Variants in CAMTA1 observed in about 807,000 individuals in gnomAD.
The protein encoded by CAMTA1 is calmodulin binding transcription activator 1, also known as calmodulin-binding transcription activator 1.
Under a neutral mutation model 170.9 loss-of-function variants are expected in CAMTA1, and 27 were observed. That is an observed-to-expected ratio of 0.16 (90% CI 0.12 to 0.22). The LOEUF (loss-of-function observed/expected upper bound fraction) is 0.22. Among genes scored for constraint, CAMTA1 ranks in the 10% least tolerant of loss-of-function variants. The pLI is 1.00. For missense variants in CAMTA1, 1,619 were observed against 2,217.2 expected (o/e 0.73, Z 5.42); for synonymous variants, 833 against 891.5 (o/e 0.93, Z 1.17).
intron 6 of CAMTA1, among the ~76,000 whole-genome samples, chr1:7,542,278 T>C (rs939417737): frequency 1.3e-5 from 2 of 152,180 alleles, no homozygotes; most frequent in Non-Finnish European, 2.9e-5. Context: ...GTTGTTGTTG[T>C]TGTTTTTTGC....
At chr1:7,488,721 A>G (rs533935942) in intron 6 of CAMTA1, among the ~76,000 whole-genome samples, 1 of 152,314 alleles carries the variant, frequency 6.6e-6, no homozygotes, top group African/African-American at 2.4e-5. Context: ...ATACATACCC[A>G]TAGTACACAT....
intron 4 of CAMTA1, among the ~76,000 whole-genome samples, chr1:7,211,005 C>T (rs1485823152): frequency 6.6e-6 from 1 of 152,206 alleles, no homozygotes; most frequent in Non-Finnish European, 1.5e-5. Context: ...AAACTTCAAG[C>T]ATAGAGAACG....
chr1:7,768,208 T>C lies in CAMTA1; in HGVS notation c.*1717T>C, dbSNP rs1476625706. ...TCCTGCTGGAAATCAGAAAATATAA[T>C]AAAATTGCACAAAAAAAAAAATGAA... On this transcript the variant is annotated 3_prime_UTR_variant, in exon 23 of 23. Transcript: ENST00000303635. 1 of 80,234 alleles carries C rather than the reference T, an allele frequency of 1.2e-5. No individual in the cohort carries two copies. Among genetic ancestry groups the C allele is most frequent in the African/African-American group, 4.5e-5 (1 of 22,294 alleles). The allele number at this position is 80,234 out of a possible 1,614,324, so 5.0% of individuals were successfully genotyped here.
At chr1:7,120,688 C>G (rs896355547) in intron 4 of CAMTA1, among the ~76,000 whole-genome samples, 3 of 152,146 alleles carry the variant, frequency 2.0e-5, no homozygotes. Flanking sequence ...TTAGGCTCTC[C>G]CCACCACAGA....
In CAMTA1 at chr1:7,562,799, G is replaced by A. The variant is rs1446960832; in HGVS notation, c.511-77601G>A. ...CCACTTCTTGTTCTCATGGTCCCCA[G>A]GACCCCCAAGCAAGGCGGACGGGAT... On this transcript the variant is annotated intron_variant, in intron 6 of 22. Coordinates refer to ENST00000303635, the MANE Select transcript of CAMTA1 (RefSeq NM_015215.4). This position sits in a 1 kb window ranked among gnomAD's most constrained non-coding sequence, Gnocchi z 4.8. 6.6e-6 allele frequency among the ~76,000 whole-genome samples: 1 copy of A among 152,142 alleles called. No homozygotes were observed. The highest frequency in any genetic ancestry group is 1.9e-4 in the East Asian group (1 of 5,186).
chr1:7,553,676 G>C (rs2094838416), intron 6 of CAMTA1, among the ~76,000 whole-genome samples: 1 of 152,230 alleles, frequency 6.6e-6, no homozygotes, highest in Admixed American at 6.5e-5. Flanking sequence ...TAAGCCTCAG[G>C]AAAGGAAAGG....
intron 3 of CAMTA1, among the ~76,000 whole-genome samples, chr1:6,829,050 C>G (rs1245436727): frequency 1.3e-5 from 2 of 151,976 alleles, no homozygotes; most frequent in African/African-American, 2.4e-5. Flanking sequence ...GCATGTGCCA[C>G]CACACCTGGA....
intron 5 of CAMTA1, among the ~76,000 whole-genome samples, chr1:7,285,404 C>T (rs1464698650): frequency 2.6e-5 from 4 of 152,182 alleles, no homozygotes; most frequent in African/African-American, 7.2e-5. Flanking sequence ...TGCAAGCTGA[C>T]CCTGGCCATG....
At chr1:7,154,060 G>A (rs184091917) in intron 4 of CAMTA1, among the ~76,000 whole-genome samples, 9 of 152,308 alleles carry the variant, frequency 5.9e-5, no homozygotes, top group East Asian at 1.9e-4. Flanking sequence ...TGGAATTTCC[G>A]AGTGCCTGTG....
At chr1:7,655,011 C>A (rs1481689159) in intron 7 of CAMTA1, among the ~76,000 whole-genome samples, 8 of 149,536 alleles carry the variant, frequency 5.3e-5, no homozygotes, top group African/African-American at 1.7e-4. Context: ...CACCTATACA[C>A]ACACCCCTAT....
chr1:7,136,491 T>C (rs1405297080), intron 4 of CAMTA1, among the ~76,000 whole-genome samples: 1 of 152,226 alleles, frequency 6.6e-6, no homozygotes, highest in Non-Finnish European at 1.5e-5. Flanking sequence ...GTTCCTATTG[T>C]TCATACCCTA....
chr1:6,993,189 T>C lies in CAMTA1; in HGVS notation c.235-98115T>C, dbSNP rs56168902. Among the ~76,000 whole-genome samples the C allele has an allele frequency of 4.2e-3, 635 of 152,344 alleles. 5 individuals are homozygous for C. The highest frequency in any genetic ancestry group is 0.015 in the African/African-American group (616 of 41,576). On this transcript the variant is annotated intron_variant, in intron 3 of 22. Transcript: ENST00000303635. ...TTACTTTTTCAAAATGATTTGACTA[T>C]CTTACCTCTTTGACATTTTCATATA...
In CAMTA1 at chr1:7,435,627, C is replaced by G. The variant is rs2092322308; in HGVS notation, c.439-32203C>G. 6.6e-6 allele frequency among the ~76,000 whole-genome samples: 1 copy of G among 152,208 alleles called. No individual in the cohort carries two copies. The highest frequency in any genetic ancestry group is 2.1e-4 in the South Asian group (1 of 4,832). On this transcript the variant is annotated intron_variant, in intron 5 of 22. Coordinates refer to ENST00000303635, the MANE Select transcript of CAMTA1 (RefSeq NM_015215.4). The surrounding 1 kb of genome is among the most constrained non-coding windows in gnomAD (Gnocchi z 4.4). ...GAAAGTCCCCCAGCTTTGGCGGAAT[C>G]AGCGCCTCAGAAAGAACCAGGCAGC...
intron 6 of CAMTA1, among the ~76,000 whole-genome samples, chr1:7,630,931 A>G (rs1253264525): frequency 6.6e-6 from 1 of 152,196 alleles, no homozygotes; most frequent in Non-Finnish European, 1.5e-5. Context: ...TTACTGGGGC[A>G]CCAGGGCCCC....
intron 6 of CAMTA1, among the ~76,000 whole-genome samples, chr1:7,505,814 C>G (rs1176070460): frequency 1.3e-5 from 2 of 152,182 alleles, no homozygotes; most frequent in African/African-American, 2.4e-5. Context: ...GTGTCCGGCC[C>G]CAGTGCTCAT....
chr1:7,276,749 G>C (rs890837477), intron 5 of CAMTA1, among the ~76,000 whole-genome samples: 11 of 152,072 alleles, frequency 7.2e-5, no homozygotes, highest in African/African-American at 2.7e-4. Context: ...GAAATAAAAG[G>C]CATACAGATG....
intron 7 of CAMTA1, among the ~76,000 whole-genome samples, chr1:7,650,361 A>G (rs1484296613): frequency 6.6e-6 from 1 of 152,158 alleles, no homozygotes; most frequent in African/African-American, 2.4e-5. Flanking sequence ...TACAGGGGTA[A>G]AGGACATGCC....
At chr1:6,886,344 A>G (rs1342755780) in intron 3 of CAMTA1, 1 of 443,850 alleles carries the variant, frequency 2.3e-6, no homozygotes, top group East Asian at 7.0e-5. Context: ...TGTTAAAAAA[A>G]ATGTAATTGA....
chr1:7,654,865 CCTATACACACACAT>C (rs2095873259), intron 7 of CAMTA1, among the ~76,000 whole-genome samples: 1 of 146,442 alleles, frequency 6.8e-6, no homozygotes, highest in Non-Finnish European at 1.5e-5. Flanking sequence ...CACATACCCA[CCTATACACACACAT>C]CTATACACAC....
Sources: gnomAD v4.1 joint callset for allele counts (sites outside exome capture counted in the v4.1 genomes callset) on GRCh38, gnomAD v4.1.1 for gene constraint, Gnocchi (gnomAD v3.1) non-coding constraint, MANE v1.5 for transcripts, NCBI Gene and HGNC (gene_info 2026-07-23, HGNC 2026-07-21) for gene names.